XYLT1: variants seen among roughly 807,000 people sequenced by gnomAD.
The protein encoded by XYLT1 is beta-D-xylosyltransferase 1.
In XYLT1, 36 loss-of-function variants were observed where a neutral mutation model predicts 91.3. That is an observed-to-expected ratio of 0.39 (90% CI 0.30 to 0.52). The LOEUF is 0.52. Among genes scored for constraint, XYLT1 ranks in the 20% least tolerant of loss-of-function variants. The probability of loss-of-function intolerance (pLI) is 0.68; values close to 1 mark genes in which losing one functional copy is unlikely to be tolerated. For missense variants in XYLT1, 1,242 were observed against 1,284.5 expected (o/e 0.97, Z 0.51); for synonymous variants, 588 against 532.0 (o/e 1.11, Z -1.45).
intron 11 of XYLT1, 52 bp downstream of exon 11, chr16:17,117,594 A>G: frequency 6.4e-7 from 1 of 1,564,186 alleles, no homozygotes; most frequent in Admixed American, 1.8e-5. Flanking sequence ...AAAGACCCTC[A>G]AGGTCCCCAG....
intron 9 of XYLT1, among the ~76,000 whole-genome samples, chr16:17,130,504 T>A (rs895500216): frequency 1.3e-5 from 2 of 151,860 alleles, no homozygotes; most frequent in African/African-American, 4.8e-5. Flanking sequence ...TGAGATGGAG[T>A]CTCTGTCACC....
intron 11 of XYLT1, among the ~76,000 whole-genome samples, chr16:17,115,909 G>C (rs1379627570): frequency 7.0e-6 from 1 of 142,808 alleles, no homozygotes; most frequent in South Asian, 2.3e-4. Flanking sequence ...TAGGGGAACA[G>C]ATAGATTGTG....
At chr16:17,291,283 G>A (rs1196269882) in intron 2 of XYLT1, among the ~76,000 whole-genome samples, 1 of 152,212 alleles carries the variant, frequency 6.6e-6, no homozygotes, top group Admixed American at 6.5e-5. Context: ...GGGTGTGGGT[G>A]TGAGCCATTG....
chr16:17,224,525 C>T (rs1284843595), intron 3 of XYLT1, among the ~76,000 whole-genome samples: 1 of 152,162 alleles, frequency 6.6e-6, no homozygotes, highest in African/African-American at 2.4e-5. Context: ...GAAGCTATCA[C>T]AATTTAGAAA....
In XYLT1 at chr16:17,117,842, G is replaced by A. The variant is rs2029897611; in HGVS notation, c.2361C>T (p.Pro787=). The change falls in exon 11 of 12, where the codon CCC becomes CCT. Residue 787 remains proline (P), a synonymous_variant. Coordinates refer to ENST00000261381, the MANE Select transcript of XYLT1 (RefSeq NM_022166.4). The part of the protein sequence containing the change: ...NVTVTVIWVD[P]VNVIAATYDI... ...CGTAGGTGGCTGCGATGACATTGAC[G>A]GGATCCACCCAAATGACGGTCACGG... 4.3e-6 allele frequency: 7 copies of A among 1,613,898 alleles called. No individual in the cohort carries two copies. The highest frequency in any genetic ancestry group is 2.2e-5 in the East Asian group (1 of 44,882).
chr16:17,227,372 AGCTCAGGACG>A (rs1019945641), intron 3 of XYLT1: 1 of 152,410 alleles, frequency 6.6e-6, no homozygotes, highest in African/African-American at 2.4e-5. Flanking sequence ...AACTCCCCTG[AGCTCAGGACG>A]GCTGGGAGGT....
At chr16:17,376,650 A>C (rs2035604986) in intron 1 of XYLT1, among the ~76,000 whole-genome samples, 1 of 152,054 alleles carries the variant, frequency 6.6e-6, no homozygotes, top group South Asian at 2.1e-4. Flanking sequence ...AAGATGGTGA[A>C]ACCCCGTCTC....
intron 1 of XYLT1, among the ~76,000 whole-genome samples, chr16:17,373,502 T>C (rs1596509794): frequency 6.6e-6 from 1 of 152,382 alleles, no homozygotes; most frequent in African/African-American, 2.4e-5. Context: ...ACGTGTTTCA[T>C]TCTCTCCAGC....
rs141772514 is a variant in XYLT1, at chr16:17,302,822, C to T, written c.403-43324G>A. ...AAAAAAGCCACCACTGGCACAATAA[C>T]GGGTTACTCAATCCCCCAAGGCTTT... is the stretch of plus-strand genomic sequence containing the variant. On this transcript the variant is annotated intron_variant, in intron 2 of 11. Coordinates refer to ENST00000261381, the MANE Select transcript of XYLT1 (RefSeq NM_022166.4). Among the ~76,000 whole-genome samples the T allele has an allele frequency of 1.1e-3, 165 of 150,874 alleles. 1 individual carries two copies. The highest frequency in any genetic ancestry group is 3.4e-3 in the Middle Eastern group (1 of 294).
At chr16:17,283,864 A>G (rs928619877) in intron 2 of XYLT1, among the ~76,000 whole-genome samples, 1 of 152,224 alleles carries the variant, frequency 6.6e-6, no homozygotes, top group African/African-American at 2.4e-5. Flanking sequence ...TCCATTTGAC[A>G]ACCATGAATT....
At chr16:17,386,149 G>T (rs2035745802) in intron 1 of XYLT1, among the ~76,000 whole-genome samples, 1 of 152,096 alleles carries the variant, frequency 6.6e-6, no homozygotes, top group African/African-American at 2.4e-5. Flanking sequence ...AACACTTTTG[G>T]AGACATGGGC....
chr16:17,382,336 A>T (rs1166284203), intron 1 of XYLT1, among the ~76,000 whole-genome samples: 1 of 151,858 alleles, frequency 6.6e-6, no homozygotes, highest in Non-Finnish European at 1.5e-5. Flanking sequence ...GCTGCCCCAT[A>T]AAACTTTCTG....
At chr16:17,357,888 C>G (rs1344450839) in intron 2 of XYLT1, 124 bp downstream of exon 2, 88 of 994,248 alleles carry the variant, frequency 8.9e-5, no homozygotes, top group Non-Finnish European at 1.5e-6. Context: ...CAGGCACACA[C>G]ACATCCAAAT....
chr16:17,297,854 T>TA (rs558935298), intron 2 of XYLT1, among the ~76,000 whole-genome samples: 14 of 152,142 alleles, frequency 9.2e-5, no homozygotes, highest in Admixed American at 7.9e-4. Flanking sequence ...ACCCCGCCTC[T>TA]ACTAAAAATA....
rs13330950 is a variant in XYLT1, at chr16:17,426,420, C to T, written c.363+44014G>A. ...ACTAAAAATACAAAAAGTAGCCAGG[C>T]GTGGTGGTCCAGCTACTCAGGAGGC... On this transcript the variant is annotated intron_variant, in intron 1 of 11. Coordinates refer to ENST00000261381, the MANE Select transcript of XYLT1 (RefSeq NM_022166.4). 5.9e-3 allele frequency among the ~76,000 whole-genome samples: 900 copies of T among 152,106 alleles called. 13 individuals carry two copies. Among genetic ancestry groups the T allele is most frequent in the African/African-American group, 0.021 (859 of 41,482 alleles).
At chr16:17,321,761 G>T (rs1038924899) in intron 2 of XYLT1, among the ~76,000 whole-genome samples, 4 of 152,128 alleles carry the variant, frequency 2.6e-5, no homozygotes, top group Non-Finnish European at 4.4e-5. Context: ...CAGGGATGGG[G>T]TGCTATTGGA....
rs1966754075 is a variant in XYLT1, at chr16:17,104,934, C to T, written c.*3761G>A. 1 of 152,288 alleles carries T rather than the reference C, an allele frequency of 6.6e-6. No homozygotes were observed. Among genetic ancestry groups the T allele is most frequent in the Non-Finnish European group, 1.5e-5 (1 of 68,110 alleles). The allele number at this position is 152,288 out of a possible 1,614,324, so 9.4% of individuals were successfully genotyped here. A position where few individuals can be genotyped will look rare whatever the true frequency, so the allele number is the denominator to read the frequency against. On this transcript the variant is annotated 3_prime_UTR_variant, in exon 12 of 12. Coordinates refer to ENST00000261381, the MANE Select transcript of XYLT1 (RefSeq NM_022166.4). ...TGGGCCCCATAAACATTTGTAACCCCTACCACAGTGTGTGGCTTTGATCCT... is the reference window on the plus strand; with the variant it reads ...TGGGCCCCATAAACATTTGTAACCCTTACCACAGTGTGTGGCTTTGATCCT...
chr16:17,342,429 A>G (rs1437311600), intron 2 of XYLT1, among the ~76,000 whole-genome samples: 1 of 150,566 alleles, frequency 6.6e-6, no homozygotes, highest in Admixed American at 6.6e-5. Flanking sequence ...ACATATCAAC[A>G]TGCATTTCTC....
Position 17,399,519 on chromosome 16 carries a change from G to A in XYLT1, c.364-41469C>T, listed in dbSNP as rs1274937058. On this transcript the variant is annotated intron_variant, in intron 1 of 11. Transcript: ENST00000261381. The stretch of plus-strand genomic sequence containing the variant: ...GCTTTAACCTGAAGTTCATTCTCCC[G>A]CTCCATGATGCTTTAGCATCTACAT... Among the ~76,000 whole-genome samples, 4 of 152,288 alleles carry A rather than the reference G, an allele frequency of 2.6e-5. 1 individual carries two copies. The highest frequency in any genetic ancestry group is 4.8e-5 in the African/African-American group (2 of 41,572).
Sources: allele counts gnomAD v4.1 joint callset (sites outside exome capture counted in the v4.1 genomes callset), GRCh38; gene constraint gnomAD v4.1.1; transcripts MANE v1.5; gene names NCBI Gene and HGNC (gene_info 2026-07-23, HGNC 2026-07-21).